Variants in VAV2 observed in about 807,000 individuals in gnomAD.
VAV2 encodes the protein guanine nucleotide exchange factor VAV2.
Under a neutral mutation model 132.5 loss-of-function variants are expected in VAV2, and 67 were observed. The ratio of observed to expected loss-of-function variants is 0.51; its 90% confidence interval spans 0.42 to 0.62. VAV2 has a LOEUF of 0.62. VAV2 is among the 20% of genes least tolerant of loss of function. The pLI, the probability that VAV2 is intolerant of heterozygous loss-of-function variation, is 0.00. For missense variants in VAV2, 938 were observed against 1,153.6 expected, an observed-to-expected ratio of 0.81 and a Z score of 2.71; for synonymous variants, 492 against 443.5, an observed-to-expected ratio of 1.11 and a Z score of -1.37.
intron 21 of VAV2, 32 bp from the exon 22 acceptor site, chr9:133,778,921 TCAG>T: frequency 6.2e-7 from 1 of 1,604,620 alleles, no homozygotes; most frequent in Non-Finnish European, 8.5e-7. Context: ...ACTCAGTGAC[TCAG>T]CAGCTCACTC....
At chr9:133,805,767 T>C (rs927097336) in intron 9 of VAV2, among the ~76,000 whole-genome samples, 10 of 151,102 alleles carry the variant, frequency 6.6e-5, no homozygotes, top group Non-Finnish European at 1.5e-4. Flanking sequence ...AAGGGAGAAG[T>C]GGGGGCCCGA....
chr9:133,807,025 C>T (rs564357536), intron 8 of VAV2, among the ~76,000 whole-genome samples: 24 of 152,378 alleles, frequency 1.6e-4, no homozygotes, highest in African/African-American at 4.6e-4. Context: ...CAGCCACGCA[C>T]GTCAGTGCTG....
In VAV2 at chr9:133,912,371, C is replaced by T. The variant is rs1219430067; in HGVS notation, c.321+26732G>A. On this transcript the variant is annotated intron_variant, in intron 2 of 29. Transcript: ENST00000371850. The surrounding 1 kb of genome is among the most constrained non-coding windows in gnomAD (Gnocchi z 4.3). ...ACGAGGCTATGTCCGTCCAAATCCCCACAGTCCTGCCACACAAACGAGCCG... is the reference window on the plus strand; with the variant it reads ...ACGAGGCTATGTCCGTCCAAATCCCTACAGTCCTGCCACACAAACGAGCCG... 2.0e-5 allele frequency among the ~76,000 whole-genome samples: 3 copies of T among 152,214 alleles called. No individual in the cohort carries two copies. The highest frequency in any genetic ancestry group is 2.9e-5 in the Non-Finnish European group (2 of 68,030).
In VAV2 at chr9:133,833,386, G is replaced by A. The variant is rs1006506926; in HGVS notation, c.449+886C>T. Reference sequence around the variant, plus strand: ...TCATTCTCAGTCTGTGCTCTAAAACGAAGGGAGAGAGAAACACTAAGAGTC... The same window carrying A: ...TCATTCTCAGTCTGTGCTCTAAAACAAAGGGAGAGAGAAACACTAAGAGTC... On this transcript the variant is annotated intron_variant, in intron 4 of 29. Transcript: ENST00000371850. The surrounding 1 kb of genome is among the most constrained non-coding windows in gnomAD (Gnocchi z 5.6). Among the ~76,000 whole-genome samples, 11 of 152,244 alleles carry A rather than the reference G, an allele frequency of 7.2e-5. No individual in the cohort carries two copies. The highest frequency in any genetic ancestry group is 3.4e-3 in the Middle Eastern group (1 of 294).
rs1840875750 is a variant in VAV2, at chr9:133,935,530, C to T, written c.321+3573G>A. On this transcript the variant is annotated intron_variant, in intron 2 of 29. Transcript: ENST00000371850. This position sits in a 1 kb window ranked among gnomAD's most constrained non-coding sequence, Gnocchi z 5.2. ...TACGCCCCGGCCCAGCAAGAGGTCC[C>T]CAGGAGTCTGAGCACCTGGGCAGAC... 6.6e-6 allele frequency among the ~76,000 whole-genome samples: 1 copy of T among 152,176 alleles called. No individual in the cohort carries two copies.
In VAV2 at chr9:133,794,178, G is replaced by A. The variant is rs182822542; in HGVS notation, c.1101+1490C>T. ...CTGCTGTCACTGTCTCAGAGCCCCC[G>A]AGGACGCATCCACGCTGGCTCACAC... On this transcript the variant is annotated intron_variant, in intron 12 of 29. Transcript: ENST00000371850. This position sits in a 1 kb window ranked among gnomAD's most constrained non-coding sequence, Gnocchi z 4.6. Among the ~76,000 whole-genome samples the A allele has an allele frequency of 4.5e-3, 691 of 152,222 alleles. 4 individuals are homozygous for A. Among genetic ancestry groups the A allele is most frequent in the Non-Finnish European group, 8.0e-3 (545 of 68,006 alleles).
intron 9 of VAV2, among the ~76,000 whole-genome samples, chr9:133,801,449 G>A (rs181640652): frequency 9.8e-5 from 15 of 152,348 alleles, no homozygotes; most frequent in African/African-American, 3.1e-4. Flanking sequence ...GGCCCTCAGG[G>A]CCCCAGGGTG....
Position 133,932,801 on chromosome 9 carries a change from G to A in VAV2, c.321+6302C>T, listed in dbSNP as rs189642125. Among the ~76,000 whole-genome samples, 811 of 152,342 alleles carry A rather than the reference G, an allele frequency of 5.3e-3. 1 individual carries two copies. The highest frequency in any genetic ancestry group is 8.3e-3 in the Non-Finnish European group (567 of 68,034). ...GAGGCACCAGAAGGCAGGTGCAGTG[G>A]ACCACCTGGCAGGCTTCCCAGGGCT... is the stretch of plus-strand genomic sequence containing the variant. On this transcript the variant is annotated intron_variant, in intron 2 of 29. Coordinates refer to ENST00000371850, the MANE Select transcript of VAV2 (RefSeq NM_001134398.2).
At chr9:133,779,457 C>T (rs553292612) in intron 21 of VAV2, among the ~76,000 whole-genome samples, 152 of 152,336 alleles carry the variant, frequency 1.0e-3, no homozygotes, top group Non-Finnish European at 1.5e-3. Context: ...TGTCCTCTGC[C>T]GATGAGGGTG....
chr9:133,834,499 G>A lies in VAV2; in HGVS notation c.381-159C>T, dbSNP rs1309492979. 3.3e-5 allele frequency among the ~76,000 whole-genome samples: 5 copies of A among 152,242 alleles called. No individual in the cohort carries two copies. Among genetic ancestry groups the A allele is most frequent in the African/African-American group, 4.8e-5 (2 of 41,470 alleles). On this transcript the variant is annotated intron_variant, in intron 3 of 29. Coordinates refer to ENST00000371850, the MANE Select transcript of VAV2 (RefSeq NM_001134398.2). This position sits in a 1 kb window ranked among gnomAD's most constrained non-coding sequence, Gnocchi z 5.9. The stretch of plus-strand genomic sequence containing the variant: ...GACACAGGGTGCGCGGACACTGATC[G>A]GAGTCACAGGACGAGCCAACTGGGC...
intron 9 of VAV2, among the ~76,000 whole-genome samples, chr9:133,803,974 CA>C (rs1835039299): frequency 6.6e-6 from 1 of 152,142 alleles, no homozygotes; most frequent in African/African-American, 2.4e-5. Context: ...CTCCGCTGTG[CA>C]GCCCTCACGG....
At position 133,935,008 on chromosome 9, in the gene VAV2, A is replaced by C. The variant is rs2132121658; in HGVS notation, c.321+4095T>G. ...GTAGCCCTGGAGTCCCCAGCCCCAC[A>C]CCCCCTCGGTTACCCCTGACCAGCC... On this transcript the variant is annotated intron_variant, in intron 2 of 29. Transcript: ENST00000371850. The surrounding 1 kb of genome is among the most constrained non-coding windows in gnomAD (Gnocchi z 5.2). Among the ~76,000 whole-genome samples, 2 of 145,498 alleles carry C rather than the reference A, an allele frequency of 1.4e-5. No individual in the cohort carries two copies. Among genetic ancestry groups the C allele is most frequent in the Admixed American group, 1.4e-4 (2 of 14,552 alleles).
intron 2 of VAV2, among the ~76,000 whole-genome samples, chr9:133,898,614 A>G (rs1242461530): frequency 1.3e-5 from 2 of 152,016 alleles, no homozygotes; most frequent in Admixed American, 1.3e-4. Flanking sequence ...AAAATAAATA[A>G]AAAGATCATT....
chr9:133,950,513 G>A lies in VAV2; in HGVS notation c.205-11294C>T, dbSNP rs76965216. ...CGACGGTGGGTTTAAGCCAAGGCGGGGGGTATAAAGAGTGGCCCACACAAT... is the reference window on the plus strand; with the variant it reads ...CGACGGTGGGTTTAAGCCAAGGCGGAGGGTATAAAGAGTGGCCCACACAAT... On this transcript the variant is annotated intron_variant, in intron 1 of 29. Transcript: ENST00000371850. Among the ~76,000 whole-genome samples, 539 of 152,296 alleles carry A rather than the reference G, an allele frequency of 3.5e-3. 3 individuals are homozygous for A. Among genetic ancestry groups the A allele is most frequent in the African/African-American group, 0.013 (521 of 41,560 alleles).
At chr9:133,880,982 C>T (rs780444445) in intron 2 of VAV2, among the ~76,000 whole-genome samples, 54 of 152,294 alleles carry the variant, frequency 3.5e-4, no homozygotes, top group Middle Eastern at 6.8e-3. Flanking sequence ...CACAGTCCCC[C>T]CACTGTCAGG....
intron 2 of VAV2, among the ~76,000 whole-genome samples, chr9:133,869,920 T>C (rs1295420620): frequency 1.3e-5 from 2 of 152,254 alleles, no homozygotes; most frequent in South Asian, 2.1e-4. Context: ...CTATCTGCCT[T>C]GGAAATCTAC....
intron 3 of VAV2, among the ~76,000 whole-genome samples, chr9:133,854,996 A>G (rs1837330333): frequency 6.6e-6 from 1 of 152,120 alleles, no homozygotes; most frequent in Non-Finnish European, 1.5e-5. Flanking sequence ...TCTCAGCCCA[A>G]TTACCTGGAA....
intron 4 of VAV2, among the ~76,000 whole-genome samples, chr9:133,814,423 C>A (rs1835476899): frequency 6.6e-6 from 1 of 152,338 alleles, no homozygotes; most frequent in East Asian, 1.9e-4. Flanking sequence ...GGCGGCAAAG[C>A]CTCTGTCGAA....
At chr9:133,846,513 G>A (rs923157325) in intron 3 of VAV2, among the ~76,000 whole-genome samples, 20 of 152,176 alleles carry the variant, frequency 1.3e-4, no homozygotes, top group African/African-American at 3.1e-4. Flanking sequence ...GGAACCCCCA[G>A]GGCTCCCCTC....
Sources: allele counts gnomAD v4.1 joint callset (sites outside exome capture counted in the v4.1 genomes callset), GRCh38; gene constraint gnomAD v4.1.1; non-coding constraint Gnocchi (gnomAD v3.1); transcripts MANE v1.5; gene names NCBI Gene and HGNC (gene_info 2026-07-23, HGNC 2026-07-21).